CDH12: variants seen among roughly 807,000 people sequenced by gnomAD.
The protein encoded by CDH12 is cadherin 12, also known as cadherin-12.
CDH12 carries 41 observed loss-of-function variants against 74.1 expected under a neutral mutation model. The ratio of observed to expected loss-of-function variants is 0.55; its 90% CI spans 0.43 to 0.72. CDH12 has a LOEUF of 0.72. Ranked by LOEUF, CDH12 falls within the 30% of genes least tolerant of loss-of-function variation. The pLI, the probability that CDH12 is intolerant of heterozygous loss-of-function variation, is 0.00. For synonymous variants in CDH12, 399 were observed against 355.0 expected, an observed-to-expected ratio of 1.12 and a Z score of -1.39; for missense variants, 945 against 977.2, an observed-to-expected ratio of 0.97 and a Z score of 0.44.
intron 3 of CDH12, among the ~76,000 whole-genome samples, chr5:22,310,963 G>A (rs1348021467): frequency 2.0e-5 from 3 of 152,154 alleles, no homozygotes; most frequent in African/African-American, 7.2e-5. Context: ...GGTTAATTAT[G>A]TGGATGTAAT....
chr5:21,811,252 A>G (rs917309539), intron 9 of CDH12, among the ~76,000 whole-genome samples: 28 of 152,246 alleles, frequency 1.8e-4, no homozygotes, highest in African/African-American at 6.7e-4. Context: ...TTCATTTTAA[A>G]CAGTTTCTAA....
chr5:22,594,413 C>G (rs764947650), intron 1 of CDH12, among the ~76,000 whole-genome samples: 2 of 152,138 alleles, frequency 1.3e-5, no homozygotes, highest in African/African-American at 4.8e-5. Flanking sequence ...TCCAAAGAGA[C>G]GTACTCATCT....
intron 6 of CDH12, chr5:21,882,704 A>T: frequency 1.3e-6 from 2 of 1,483,446 alleles, no homozygotes; most frequent in East Asian, 2.5e-5. Flanking sequence ...CCGAGCCTTA[A>T]TGCTTCAAGG....
intron 3 of CDH12, among the ~76,000 whole-genome samples, chr5:22,270,679 T>C (rs1736359510): frequency 6.6e-6 from 1 of 151,564 alleles, no homozygotes; most frequent in African/African-American, 2.4e-5. Flanking sequence ...TTTATTTATT[T>C]ATGTATTTTG....
At chr5:22,293,183 A>G (rs549598346) in intron 3 of CDH12, among the ~76,000 whole-genome samples, 3 of 152,248 alleles carry the variant, frequency 2.0e-5, no homozygotes, top group African/African-American at 4.8e-5. Context: ...GAAGTAGGCA[A>G]TTGGGATCAG....
intron 6 of CDH12, among the ~76,000 whole-genome samples, chr5:21,894,397 A>AAAAAAAAAAAAAC (rs1753030724): frequency 6.6e-6 from 1 of 151,506 alleles, no homozygotes; most frequent in Non-Finnish European, 1.5e-5. Flanking sequence ...AAAAAAAAAA[A>AAAAAAAAAAAAAC]AAAAAAAGAA....
chr5:22,743,419 G>T (rs1408865183), intron 1 of CDH12, among the ~76,000 whole-genome samples: 1 of 151,752 alleles, frequency 6.6e-6, no homozygotes, highest in Non-Finnish European at 1.5e-5. Flanking sequence ...GGGGGAAGCA[G>T]TATTGACACT....
chr5:22,521,842 C>T (rs1737066911), intron 1 of CDH12, among the ~76,000 whole-genome samples: 1 of 152,092 alleles, frequency 6.6e-6, no homozygotes, highest in African/African-American at 2.4e-5. Flanking sequence ...ATCTCTGACT[C>T]CTAAGTTAAA....
At chr5:22,545,773 A>C (rs1738297321) in intron 1 of CDH12, among the ~76,000 whole-genome samples, 1 of 152,178 alleles carries the variant, frequency 6.6e-6, no homozygotes, top group South Asian at 2.1e-4. Flanking sequence ...TTTATTTGAC[A>C]CCTTTGAATT....
At chr5:22,121,943 A>G (rs1346995738) in intron 4 of CDH12, among the ~76,000 whole-genome samples, 1 of 152,140 alleles carries the variant, frequency 6.6e-6, no homozygotes, top group Non-Finnish European at 1.5e-5. Context: ...AGGTGCAATT[A>G]TTGAACAGGT....
At chr5:22,700,613 T>G (rs1010241028) in intron 1 of CDH12, among the ~76,000 whole-genome samples, 3 of 152,186 alleles carry the variant, frequency 2.0e-5, no homozygotes, top group Admixed American at 6.5e-5. Context: ...TCCTTTTGAG[T>G]ATTGTTGAAT....
At chr5:22,592,925 GA>G (rs1321541337) in intron 1 of CDH12, among the ~76,000 whole-genome samples, 1 of 151,380 alleles carries the variant, frequency 6.6e-6, no homozygotes, top group Non-Finnish European at 1.5e-5. Context: ...AGCTACTAGG[GA>G]GGCAGAGGTA....
intron 2 of CDH12, among the ~76,000 whole-genome samples, chr5:22,414,963 T>C (rs1191114425): frequency 6.6e-6 from 1 of 152,094 alleles, no homozygotes; most frequent in Non-Finnish European, 1.5e-5. Context: ...TATATCCCTT[T>C]AGTAGACAAA....
chr5:22,745,989 T>C (rs537714783), intron 1 of CDH12, among the ~76,000 whole-genome samples: 2 of 152,310 alleles, frequency 1.3e-5, no homozygotes, highest in African/African-American at 4.8e-5. Flanking sequence ...ATTCTTATAA[T>C]GACAGAGCAA....
chr5:22,539,729 G>A (rs28590143), intron 1 of CDH12, among the ~76,000 whole-genome samples: 110 of 152,292 alleles, frequency 7.2e-4, no homozygotes, highest in African/African-American at 2.5e-3. Context: ...ATAAAAGTAC[G>A]TGAGAGTGAA....
chr5:22,775,794 C>T (rs1208927928), intron 1 of CDH12, among the ~76,000 whole-genome samples: 1 of 152,006 alleles, frequency 6.6e-6, no homozygotes, highest in Non-Finnish European at 1.5e-5. Context: ...GACTGTGTCC[C>T]CGCCCAGCTC....
intron 1 of CDH12, among the ~76,000 whole-genome samples, chr5:22,545,258 T>A (rs1035305810): frequency 1.3e-5 from 2 of 152,162 alleles, no homozygotes; most frequent in Non-Finnish European, 2.9e-5. Context: ...CCACACTGCC[T>A]CTAAAGGATG....
chr5:22,364,321 C>G (rs565473793), intron 3 of CDH12, among the ~76,000 whole-genome samples: 2 of 152,122 alleles, frequency 1.3e-5, no homozygotes, highest in African/African-American at 2.4e-5. Flanking sequence ...CTTTCATGAA[C>G]GATGTAAACA....
At chr5:22,027,469 T>C (rs928962096) in intron 5 of CDH12, among the ~76,000 whole-genome samples, 2 of 152,218 alleles carry the variant, frequency 1.3e-5, no homozygotes, top group African/African-American at 4.8e-5. Context: ...TGGTAAGCTA[T>C]TGATTATTGC....
Sources: allele counts gnomAD v4.1 joint callset (sites outside exome capture counted in the v4.1 genomes callset), GRCh38; gene constraint gnomAD v4.1.1; transcripts MANE v1.5; gene names NCBI Gene and HGNC (gene_info 2026-07-23, HGNC 2026-07-21).